CCAR1: variants seen among roughly 807,000 people sequenced by gnomAD.
CCAR1 encodes the protein cell division cycle and apoptosis regulator protein 1.
Under a neutral mutation model 163.8 loss-of-function variants are expected in CCAR1, and 78 were observed. The observed-to-expected ratio is 0.48, with a 90% confidence interval of 0.40 to 0.57. The LOEUF (loss-of-function observed/expected upper bound fraction) is 0.57. Among genes scored for constraint, CCAR1 ranks in the 20% least tolerant of loss-of-function variants. The pLI, the probability that CCAR1 is intolerant of heterozygous loss-of-function variation, is 0.00. For missense variants in CCAR1, 1,019 were observed against 1,365.2 expected, an observed-to-expected ratio of 0.75 and a Z score of 4.00; for synonymous variants, 443 against 460.7, an observed-to-expected ratio of 0.96 and a Z score of 0.49.
At chr10:68,776,267 T>A (rs1278767021) in intron 19 of CCAR1, among the ~76,000 whole-genome samples, 4 of 151,514 alleles carry the variant, frequency 2.6e-5, no homozygotes, top group Middle Eastern at 3.4e-3. Flanking sequence ...TTTTTTTTTT[T>A]AAGAGATAGG....
Position 68,747,211 on chromosome 10 carries a change from C to G in CCAR1, c.569C>G (p.Ala190Gly). Residue 190 changes from alanine to glycine, a missense_variant, in exon 7 of 25, where the codon GCT becomes GGT. Transcript: ENST00000265872. Reference protein sequence around the residue: ...PQVGDRVLVEATYNPNMPFKW... With the variant: ...PQVGDRVLVEGTYNPNMPFKW... ...GTAGGTGACAGAGTATTGGTTGAAG[C>G]TACTTATAATCCTAATATGCCTTTT... 1 of 1,610,464 alleles carries G rather than the reference C, an allele frequency of 6.2e-7. No homozygotes were observed. The highest frequency in any genetic ancestry group is 8.5e-7 in the Non-Finnish European group (1 of 1,178,816).
intron 2 of CCAR1, among the ~76,000 whole-genome samples, chr10:68,728,912 A>T (rs1450598201): frequency 6.6e-6 from 1 of 151,584 alleles, no homozygotes. Flanking sequence ...AGATCGTGCC[A>T]TTGCACTCCA....
chr10:68,783,371 C>A lies in CCAR1; in HGVS notation c.2651-2765C>A, dbSNP rs550415001. Among the ~76,000 whole-genome samples, 5 of 151,924 alleles carry A rather than the reference C, an allele frequency of 3.3e-5. No homozygotes were observed. In the East Asian group the frequency reaches 9.8e-4, roughly 30 times the overall value. On this transcript the variant is annotated intron_variant, in intron 19 of 24. Transcript: ENST00000265872. ...TGTGTTTTTAGTAGAGACAGGATTTCACCACGTTAGCCAGGATGGTCTCGA... is the reference window on the plus strand; with the variant it reads ...TGTGTTTTTAGTAGAGACAGGATTTAACCACGTTAGCCAGGATGGTCTCGA...
At position 68,791,178 on chromosome 10, in the gene CCAR1, G is replaced by A. The variant is rs182698401; in HGVS notation, c.3394-29G>A. 6.6e-5 allele frequency: 87 copies of A among 1,313,252 alleles called. No individual in the cohort carries two copies. In the African/African-American group the frequency reaches 1.1e-3, roughly 17 times the overall value. The allele number at this position is 1,313,252 out of a possible 1,614,324, so 81.3% of individuals were successfully genotyped here. On this transcript the variant is annotated intron_variant, in intron 24 of 24. Transcript: ENST00000265872. Reference sequence around the variant, plus strand: ...AACATTTAAGATAATCTAATAAAATGTATTTTTTCCTTCTCTATTGTCTTA... The same window carrying A: ...AACATTTAAGATAATCTAATAAAATATATTTTTTCCTTCTCTATTGTCTTA...
Position 68,756,391 on chromosome 10 carries a change from A to C in CCAR1, c.1744A>C (p.Thr582Pro), listed in dbSNP as rs1220456056. 1 of 1,613,764 alleles carries C rather than the reference A, an allele frequency of 6.2e-7. No individual in the cohort carries two copies. The highest frequency in any genetic ancestry group is 1.3e-5 in the African/African-American group (1 of 74,830). Residue 582 changes from threonine to proline, a missense_variant, in exon 14 of 25, where the codon ACC becomes CCC. Thr to Pro is a conservative substitution (Grantham distance 38). Around this residue, in one of 4 missense-constraint regions of CCAR1, gnomAD observed 644 missense variants for 904.4 expected, o/e 0.71. Transcript: ENST00000265872. This position sits in a 1 kb window ranked among gnomAD's most constrained non-coding sequence, Gnocchi z 5.1. ...FFPDVWHCLP[T>P]RSEWETLSRG... ...CCCGGATGTTTGGCATTGCCTTCCC[A>C]CCCGCTCAGAGTGGGAAACCCTCTC...
intron 12 of CCAR1, 102 bp from the exon 13 acceptor site, chr10:68,755,267 TA>T: frequency 9.6e-7 from 1 of 1,039,326 alleles, no homozygotes; most frequent in Non-Finnish European, 1.5e-6. Flanking sequence ...CCAGAGGTAG[TA>T]AAAATGATAT....
At chr10:68,745,478 T>TC (rs1487994550) in intron 6 of CCAR1, among the ~76,000 whole-genome samples, 1 of 151,726 alleles carries the variant, frequency 6.6e-6, no homozygotes, top group African/African-American at 2.4e-5. Context: ...TTTTTTTTTT[T>TC]TGGAGACCGA....
intron 1 of CCAR1, chr10:68,721,679 G>T (rs1248612881): frequency 2.5e-6 from 1 of 397,946 alleles, no homozygotes; most frequent in East Asian, 1.0e-4. Context: ...TGGTAAACGA[G>T]CCCAGGGCTC....
chr10:68,786,064 C>CA, intron 19 of CCAR1, 72 bp from the exon 20 acceptor site: 2 of 977,858 alleles, frequency 2.0e-6, no homozygotes, highest in Non-Finnish European at 3.2e-6. Context: ...GGATAACAGT[C>CA]ATGTGCCACT....
intron 3 of CCAR1, among the ~76,000 whole-genome samples, chr10:68,737,449 A>G (rs1490835471): frequency 1.3e-5 from 2 of 150,294 alleles, no homozygotes; most frequent in Non-Finnish European, 3.0e-5. Flanking sequence ...GCTGCAGTGA[A>G]CTGAGATTAC....
intron 19 of CCAR1, among the ~76,000 whole-genome samples, chr10:68,779,947 T>C (rs752202081): frequency 1.3e-5 from 2 of 152,190 alleles, no homozygotes; most frequent in South Asian, 4.1e-4. Flanking sequence ...TTAGTGTTGA[T>C]AAGTGTGTAT....
chr10:68,755,787 G>A (rs1289402339), intron 13 of CCAR1, among the ~76,000 whole-genome samples: 2 of 152,234 alleles, frequency 1.3e-5, no homozygotes, highest in East Asian at 1.9e-4. Context: ...GAAGTTGGAT[G>A]TATGTTGAAA....
intron 19 of CCAR1, among the ~76,000 whole-genome samples, chr10:68,780,302 C>A (rs2056720401): frequency 6.6e-6 from 1 of 152,128 alleles, no homozygotes; most frequent in Admixed American, 6.6e-5. Context: ...TCATGTGATT[C>A]TCTCACTTTA....
At chr10:68,740,752 GTTAC>G in intron 5 of CCAR1, 91 bp downstream of exon 5, 1 of 985,150 alleles carries the variant, frequency 1.0e-6, no homozygotes, top group African/African-American at 1.6e-5. Flanking sequence ...TCAGGGTTTA[GTTAC>G]TTGTTAGATT....
intron 19 of CCAR1, among the ~76,000 whole-genome samples, chr10:68,784,522 A>G (rs1230606994): frequency 2.0e-5 from 3 of 152,076 alleles, no homozygotes; most frequent in East Asian, 3.9e-4. Flanking sequence ...GATTGACTCT[A>G]ATTTTAAAAG....
At chr10:68,744,785 G>A (rs2056230067) in intron 6 of CCAR1, among the ~76,000 whole-genome samples, 1 of 151,346 alleles carries the variant, frequency 6.6e-6, no homozygotes, top group African/African-American at 2.4e-5. Flanking sequence ...GTTTATAAGG[G>A]TGAAACACCC....
At chr10:68,773,901 G>T (rs951155024) in intron 19 of CCAR1, among the ~76,000 whole-genome samples, 18 of 147,390 alleles carry the variant, frequency 1.2e-4, no homozygotes, top group Middle Eastern at 3.4e-3. Context: ...TTTTTTTGTT[G>T]TTTTTTTTTC....
intron 6 of CCAR1, among the ~76,000 whole-genome samples, chr10:68,745,904 T>C (rs567154153): frequency 7.9e-4 from 121 of 152,302 alleles, no homozygotes; most frequent in Non-Finnish European, 1.5e-3. Flanking sequence ...TTTAAAGTTA[T>C]GGCGTTAGAG....
chr10:68,779,367 C>T lies in CCAR1; in HGVS notation c.2650+6268C>T, dbSNP rs564506550. Reference sequence around the variant, plus strand: ...CTGTCTCCCAGGTTCAAGCGATTCTCGTGCCCTCAGCTTCCTAAGTAGCTT... The same window carrying T: ...CTGTCTCCCAGGTTCAAGCGATTCTTGTGCCCTCAGCTTCCTAAGTAGCTT... On this transcript the variant is annotated intron_variant, in intron 19 of 24. Transcript: ENST00000265872. Among the ~76,000 whole-genome samples, 8 of 151,894 alleles carry T rather than the reference C, an allele frequency of 5.3e-5. No homozygotes were observed. The East Asian group carries it at 5.8e-4, about 11-fold the overall frequency.
Sources: gnomAD v4.1 joint callset for allele counts (sites outside exome capture counted in the v4.1 genomes callset) on GRCh38, gnomAD v4.1.1 for gene constraint, gnomAD v4.1.1 regional missense constraint, Gnocchi (gnomAD v3.1) non-coding constraint, MANE v1.5 for transcripts, NCBI Gene and HGNC (gene_info 2026-07-23, HGNC 2026-07-21) for gene names.